The following SRBD1 variants were observed in gnomAD, a reference collection of about 807,000 sequenced individuals.
The protein encoded by SRBD1 is S1 RNA binding domain 1.
SRBD1 carries 88 observed loss-of-function variants against 115.3 expected under a neutral mutation model. The ratio of observed to expected loss-of-function variants is 0.76; its 90% confidence interval spans 0.64 to 0.91. The LOEUF is 0.91. Among genes scored for constraint, SRBD1 ranks in the 40% least tolerant of loss-of-function variants. The pLI, the probability that SRBD1 is intolerant of heterozygous loss-of-function variation, is 0.00. For missense variants in SRBD1, 1,385 were observed against 1,177.4 expected (o/e 1.18, Z -2.58); for synonymous variants, 509 against 407.7 (o/e 1.25, Z -2.99).
At chr2:45,482,170 C>T (rs1434589283) in intron 15 of SRBD1, among the ~76,000 whole-genome samples, 1 of 151,898 alleles carries the variant, frequency 6.6e-6, no homozygotes, top group Non-Finnish European at 1.5e-5. Flanking sequence ...CAAATGTATG[C>T]CAAATACTAT....
chr2:45,500,283 G>C (rs1238721669), intron 14 of SRBD1, among the ~76,000 whole-genome samples: 3 of 144,310 alleles, frequency 2.1e-5, no homozygotes, highest in Admixed American at 6.7e-5. Context: ...ATGTCTCTGT[G>C]TGTGTGTGTG....
chr2:45,523,972 A>T (rs1402579772), intron 14 of SRBD1, among the ~76,000 whole-genome samples: 2 of 152,072 alleles, frequency 1.3e-5, no homozygotes, highest in Non-Finnish European at 1.5e-5. Flanking sequence ...AGTGGGATTT[A>T]TCCCAAAAAT....
At chr2:45,590,372 T>C (rs1350691763) in intron 4 of SRBD1, among the ~76,000 whole-genome samples, 1 of 152,190 alleles carries the variant, frequency 6.6e-6, no homozygotes, top group Non-Finnish European at 1.5e-5. Context: ...CTAGACTCCT[T>C]TGTAGGACTA....
chr2:45,513,079 G>A (rs761119331), intron 14 of SRBD1, among the ~76,000 whole-genome samples: 1 of 152,000 alleles, frequency 6.6e-6, no homozygotes, highest in Non-Finnish European at 1.5e-5. Flanking sequence ...CTCTACCCCT[G>A]AGCTATATAC....
At chr2:45,493,755 G>A (rs550372179) in intron 14 of SRBD1, among the ~76,000 whole-genome samples, 1 of 151,174 alleles carries the variant, frequency 6.6e-6, no homozygotes, top group Non-Finnish European at 1.5e-5. Context: ...AGGTTGTAGT[G>A]AGCCAAGATC....
chr2:45,449,976 A>C (rs1428083076), intron 16 of SRBD1, among the ~76,000 whole-genome samples: 1 of 152,146 alleles, frequency 6.6e-6, no homozygotes, highest in Non-Finnish European at 1.5e-5. Flanking sequence ...AGGTGAAACC[A>C]GGTATCACAT....
At chr2:45,494,049 T>C (rs1209052675) in intron 14 of SRBD1, among the ~76,000 whole-genome samples, 2 of 151,744 alleles carry the variant, frequency 1.3e-5, no homozygotes, top group African/African-American at 4.8e-5. Context: ...CTATTTATGA[T>C]AGCACAACTG....
intron 4 of SRBD1, among the ~76,000 whole-genome samples, chr2:45,591,753 T>C (rs757006125): frequency 1.3e-5 from 2 of 152,168 alleles, no homozygotes; most frequent in Admixed American, 6.5e-5. Flanking sequence ...TCACATTGCC[T>C]CTCTAAAAGT....
chr2:45,530,847 T>C (rs11691198), intron 14 of SRBD1, among the ~76,000 whole-genome samples: 1 of 151,974 alleles, frequency 6.6e-6, no homozygotes. Context: ...CTGGACATGG[T>C]GGAGCACATC....
At chr2:45,493,877 G>A (rs561386567) in intron 14 of SRBD1, among the ~76,000 whole-genome samples, 31 of 151,658 alleles carry the variant, frequency 2.0e-4, no homozygotes, top group African/African-American at 7.2e-4. Flanking sequence ...GAAACAAGCA[G>A]AATCATGTCC....
chr2:45,574,748 A>C (rs1673125766), intron 7 of SRBD1, 25 bp from the exon 8 acceptor site: 2 of 1,561,978 alleles, frequency 1.3e-6, no homozygotes, highest in Non-Finnish European at 1.7e-6. Context: ...TAAAAAGGAA[A>C]ACAAAAACAA....
intron 10 of SRBD1, among the ~76,000 whole-genome samples, chr2:45,560,097 A>G (rs1672612922): frequency 6.6e-6 from 1 of 151,988 alleles, no homozygotes; most frequent in Admixed American, 6.5e-5. Context: ...AAAAGAAAAG[A>G]AAAAAAAGAA....
intron 14 of SRBD1, among the ~76,000 whole-genome samples, chr2:45,534,010 G>C (rs975013931): frequency 6.6e-6 from 1 of 151,942 alleles, no homozygotes; most frequent in Non-Finnish European, 1.5e-5. Flanking sequence ...TCTGCAAGAG[G>C]GGCTACAGTG....
In SRBD1 at chr2:45,585,734, G is replaced by A. The variant is rs775354910; in HGVS notation, c.689C>T (p.Ala230Val). The A allele has an allele frequency of 6.2e-7, 1 of 1,609,666 alleles. No homozygotes were observed. The highest frequency in any genetic ancestry group is 8.5e-7 in the Non-Finnish European group (1 of 1,178,872). The change falls in exon 5 of 21, where the codon GCC (alanine) becomes GTC (valine). Residue 230 changes from alanine to valine, a missense_variant. Transcript: ENST00000263736. ...ERTNIEPWVC[A>V]NIIRLFNDDN... ...ATCATTAAAGAGACGAATGATGTTG[G>A]CACAAACCCAAGGTTCAATATTAGT... is the stretch of plus-strand genomic sequence containing the variant.
chr2:45,605,872 C>T (rs1214618243), intron 1 of SRBD1, among the ~76,000 whole-genome samples: 2 of 149,558 alleles, frequency 1.3e-5, no homozygotes, highest in African/African-American at 4.9e-5. Context: ...TAATTGCACT[C>T]CAGCCTGGGC....
At chr2:45,498,471 A>G (rs1670528033) in intron 14 of SRBD1, among the ~76,000 whole-genome samples, 1 of 152,198 alleles carries the variant, frequency 6.6e-6, no homozygotes, top group Admixed American at 6.5e-5. Flanking sequence ...TGATATCTGT[A>G]TATAATCTGT....
intron 14 of SRBD1, among the ~76,000 whole-genome samples, chr2:45,541,763 A>T (rs1266717999): frequency 6.6e-6 from 1 of 152,248 alleles, no homozygotes. Context: ...AGCTCTCAGC[A>T]GAGAGCAGAC....
At chr2:45,492,047 C>A (rs562895906) in intron 14 of SRBD1, among the ~76,000 whole-genome samples, 59 of 152,248 alleles carry the variant, frequency 3.9e-4, no homozygotes, top group African/African-American at 1.4e-3. Flanking sequence ...ATCAGAACTC[C>A]CAACCTCGGG....
intron 16 of SRBD1, among the ~76,000 whole-genome samples, chr2:45,428,545 C>A (rs1313764983): frequency 6.7e-6 from 1 of 149,892 alleles, no homozygotes; most frequent in East Asian, 2.0e-4. Flanking sequence ...GAACGAGACT[C>A]CGTCTCAAAA....
Sources: allele counts gnomAD v4.1 joint callset (sites outside exome capture counted in the v4.1 genomes callset), GRCh38; gene constraint gnomAD v4.1.1; transcripts MANE v1.5; gene names NCBI Gene and HGNC (gene_info 2026-07-23, HGNC 2026-07-21).